ARVCF: variants seen among roughly 807,000 people sequenced by gnomAD.
ARVCF encodes the protein splicing regulator ARVCF.
A neutral mutation model predicts 90.9 loss-of-function variants in ARVCF; 66 were observed. The observed-to-expected ratio is 0.73, with a 90% CI of 0.60 to 0.89. ARVCF has a LOEUF of 0.89. ARVCF is among the 40% of genes least tolerant of loss of function. The pLI, the probability that ARVCF is intolerant of heterozygous loss-of-function variation, is 0.00. For missense variants in ARVCF, 1,469 were observed against 1,382.3 expected (o/e 1.06, Z -1.00); for synonymous variants, 653 against 603.4 (o/e 1.08, Z -1.21).
chr22:19,973,877 A>G, intron 12 of ARVCF, 84 bp from the exon 13 acceptor site: 2 of 1,531,290 alleles, frequency 1.3e-6, no homozygotes, highest in East Asian at 2.3e-5. Context: ...CTCCAGCTGG[A>G]CCTTCCTGCT....
Position 19,973,419 on chromosome 22 carries a change from G to C in ARVCF, c.2240-102C>G, listed in dbSNP as rs770290395. On this transcript the variant is annotated intron_variant, in intron 13 of 19. Coordinates refer to ENST00000263207, the MANE Select transcript of ARVCF (RefSeq NM_001670.3). ...AGGGGCACTGCCAGGAGAGCCCCTG[G>C]AGACCGCCTGTGTGCAGGCGGTCAC... is the stretch of plus-strand genomic sequence containing the variant. The C allele has an allele frequency of 4.4e-4, 624 of 1,413,802 alleles. 1 individual carries two copies. The highest frequency in any genetic ancestry group is 5.6e-4 in the Non-Finnish European group (593 of 1,067,130). 87.6% of individuals were successfully genotyped at this position (1,413,802 alleles called of 1,614,324 possible).
intron 2 of ARVCF, among the ~76,000 whole-genome samples, chr22:20,005,459 T>TA (rs2146468627): frequency 6.6e-6 from 1 of 151,666 alleles, no homozygotes; most frequent in Non-Finnish European, 1.5e-5. Context: ...AGTATGGCAA[T>TA]TCCTCAAAAA....
At chr22:19,981,021 A>C in intron 5 of ARVCF, 190 bp downstream of exon 5, 1 of 691,898 alleles carries the variant, frequency 1.4e-6, no homozygotes, top group Non-Finnish European at 2.3e-6. Flanking sequence ...CCTGCAGGAC[A>C]GTGCCCAGCC....
chr22:19,975,244 G>T (rs1469239038), intron 11 of ARVCF, among the ~76,000 whole-genome samples: 1 of 152,182 alleles, frequency 6.6e-6, no homozygotes, highest in African/African-American at 2.4e-5. Flanking sequence ...CCAGCATACA[G>T]CCCAATAGGC....
chr22:19,974,096 C>T lies in ARVCF; in HGVS notation c.2088+16G>A, dbSNP rs539743675. On this transcript the variant is annotated intron_variant, in intron 12 of 19. Coordinates refer to ENST00000263207, the MANE Select transcript of ARVCF (RefSeq NM_001670.3). ...TCTCTCAGGACTTGCCCACCCTGCC[C>T]GACCTGGTCCCTCACCATCCAGTTG... The T allele has an allele frequency of 1.3e-6, 2 of 1,598,216 alleles. No homozygotes were observed. Among genetic ancestry groups the T allele is most frequent in the Admixed American group, 1.7e-5 (1 of 59,446 alleles).
At chr22:19,987,115 CTGGCCAGCAGCGGGGGAGGCGG>C (rs1569174086) in intron 3 of ARVCF, 1 of 541,786 alleles carries the variant, frequency 1.8e-6, no homozygotes, top group Non-Finnish European at 3.4e-6. Flanking sequence ...TCGGGGGGCG[CTGGCCAGCAGCGGGGGAGGCGG>C]TGGCTGGACC....
rs545096334 is a variant in ARVCF at position 20,011,859 on chromosome 22, C to CT, written c.-72-1352dup. On this transcript the variant is annotated intron_variant, in intron 1 of 19. Coordinates refer to ENST00000263207, the MANE Select transcript of ARVCF (RefSeq NM_001670.3). ...TTTTGTACCACAGAGAACCATGTGA[C>CT]TTTTTTTTTTTATCCCTGATAAGCA... Among the ~76,000 whole-genome samples, 304 of 148,072 alleles carry CT rather than the reference C, an allele frequency of 2.1e-3. 3 individuals are homozygous for CT. The Middle Eastern group carries it at 0.024, about 12-fold the overall frequency.
chr22:19,994,451 GATGA>G (rs891421085), intron 2 of ARVCF, among the ~76,000 whole-genome samples: 2 of 112,544 alleles, frequency 1.8e-5, no homozygotes, highest in Non-Finnish European at 3.5e-5. Context: ...AGAACATATA[GATGA>G]ATGGATGGAT....
At chr22:19,978,846 A>C in intron 7 of ARVCF, 51 bp downstream of exon 7, 1 of 1,567,110 alleles carries the variant, frequency 6.4e-7, no homozygotes, top group Non-Finnish European at 8.7e-7. Flanking sequence ...TGGGACCACG[A>C]GGACGGGGCC....
intron 3 of ARVCF, among the ~76,000 whole-genome samples, chr22:19,985,572 T>A (rs1188808499): frequency 6.6e-6 from 1 of 152,186 alleles, no homozygotes; most frequent in Admixed American, 6.5e-5. Flanking sequence ...CTGGGTAGCA[T>A]CAGTCTCACT....
chr22:19,994,737 G>C (rs1944174991), intron 2 of ARVCF, among the ~76,000 whole-genome samples: 4 of 140,062 alleles, frequency 2.9e-5, no homozygotes, highest in Non-Finnish European at 6.2e-5. Flanking sequence ...GGGGGGGAAT[G>C]ATGGGAGATG....
chr22:19,981,832 T>G, intron 4 of ARVCF, 95 bp from the exon 5 acceptor site: 1 of 1,553,020 alleles, frequency 6.4e-7, no homozygotes, highest in Non-Finnish European at 8.7e-7. Context: ...ACTCGAGCAA[T>G]GAGAGGCCCC....
downstream of ARVCF, among the ~76,000 whole-genome samples, chr22:19,966,309 A>AG (rs748668376): frequency 2.8e-4 from 43 of 151,950 alleles, no homozygotes; most frequent in East Asian, 8.2e-3. Flanking sequence ...CGGAGGCACG[A>AG]GGGGTGAGGG....
At chr22:19,980,938 G>A (rs1943456936) in intron 5 of ARVCF, 2 of 453,440 alleles carry the variant, frequency 4.4e-6, no homozygotes, top group South Asian at 9.1e-5. Flanking sequence ...AGGGCTCTGG[G>A]TTCTGGTTAC....
intron 1 of ARVCF, among the ~76,000 whole-genome samples, chr22:20,013,238 T>A (rs1002136092): frequency 6.6e-6 from 1 of 152,174 alleles, no homozygotes; most frequent in Non-Finnish European, 1.5e-5. Flanking sequence ...CACGCCCACT[T>A]CTGCTGTGGA....
chr22:20,010,699 G>A (rs1320144061), intron 1 of ARVCF, among the ~76,000 whole-genome samples, 191 bp from the exon 2 acceptor site: 4 of 152,348 alleles, frequency 2.6e-5, no homozygotes, highest in African/African-American at 7.2e-5. Flanking sequence ...GTCCAGGACT[G>A]TAGGTGACAC....
Position 19,973,619 on chromosome 22 carries a change from C to A in ARVCF, c.2239+24G>T. 10 of 1,591,360 alleles carry A rather than the reference C, an allele frequency of 6.3e-6. No individual in the cohort carries two copies. In the Admixed American group the frequency reaches 6.7e-5, roughly 11 times the overall value. On this transcript the variant is annotated intron_variant, in intron 13 of 19. Transcript: ENST00000263207. Reference sequence around the variant, plus strand: ...CTGCAGGCACAGTTCGGTGCCCAGGCGTGGGCTTTGCAGGCGTCCTCACCG... The same window carrying A: ...CTGCAGGCACAGTTCGGTGCCCAGGAGTGGGCTTTGCAGGCGTCCTCACCG...
intron 2 of ARVCF, among the ~76,000 whole-genome samples, chr22:20,008,360 T>G (rs1053121081): frequency 6.6e-6 from 1 of 152,164 alleles, no homozygotes; most frequent in African/African-American, 2.4e-5. Flanking sequence ...CCAGCCCTTC[T>G]CACTCAGGCC....
chr22:20,005,590 C>T (rs906834098), intron 2 of ARVCF, among the ~76,000 whole-genome samples: 4 of 152,136 alleles, frequency 2.6e-5, no homozygotes, highest in Middle Eastern at 3.4e-3. Context: ...GAGGCCGAGG[C>T]GGGTGGATCA....
Sources: allele counts gnomAD v4.1 joint callset (sites outside exome capture counted in the v4.1 genomes callset), GRCh38; gene constraint gnomAD v4.1.1; transcripts MANE v1.5; gene names NCBI Gene and HGNC (gene_info 2026-07-23, HGNC 2026-07-21).